RAB7A: variants seen among roughly 807,000 people sequenced by gnomAD.
RAB7A encodes RAB7A, member RAS oncogene family.
A neutral mutation model predicts 24.5 loss-of-function variants in RAB7A; 2 were observed. The observed-to-expected ratio is 0.08, with a 90% confidence interval of 0.03 to 0.26. The LOEUF is 0.26. Among genes scored for constraint, RAB7A ranks in the 10% least tolerant of loss-of-function variants. The probability of loss-of-function intolerance (pLI) is 1.00; values close to 1 mark genes in which losing one functional copy is unlikely to be tolerated. For synonymous variants in RAB7A, 100 were observed against 95.9 expected, an observed-to-expected ratio of 1.04 and a Z score of -0.25; for missense variants, 118 against 255.7, an observed-to-expected ratio of 0.46 and a Z score of 3.67.
chr3:128,761,771 G>A (rs148564563), intron 1 of RAB7A, among the ~76,000 whole-genome samples: 83 of 152,340 alleles, frequency 5.4e-4, no homozygotes, highest in African/African-American at 2.0e-3. Flanking sequence ...GGGACAGAGT[G>A]TGATTGTATA....
chr3:128,790,553 T>C (rs1392661216), intron 1 of RAB7A, among the ~76,000 whole-genome samples: 1 of 152,226 alleles, frequency 6.6e-6, no homozygotes, highest in Non-Finnish European at 1.5e-5. Flanking sequence ...AAATCTTTAC[T>C]CCTTTGGGAA....
At chr3:128,750,008 C>T (rs2070660815) in intron 1 of RAB7A, among the ~76,000 whole-genome samples, 1 of 152,074 alleles carries the variant, frequency 6.6e-6, no homozygotes, top group Non-Finnish European at 1.5e-5. Flanking sequence ...CAGAAGAGGA[C>T]AGGAAAATGT....
chr3:128,735,186 C>T (rs1351442114), intron 1 of RAB7A, among the ~76,000 whole-genome samples: 1 of 152,068 alleles, frequency 6.6e-6, no homozygotes, highest in African/African-American at 2.4e-5. Flanking sequence ...TTGTTCAATG[C>T]CTGGGGTGGT....
chr3:128,739,277 A>G (rs2070524990), intron 1 of RAB7A, among the ~76,000 whole-genome samples: 1 of 152,168 alleles, frequency 6.6e-6, no homozygotes, highest in South Asian at 2.1e-4. Context: ...TGGAAGGCTG[A>G]GGTGGGCGGA....
intron 1 of RAB7A, among the ~76,000 whole-genome samples, chr3:128,742,786 T>C (rs1182087964): frequency 1.3e-5 from 2 of 152,180 alleles, no homozygotes; most frequent in Non-Finnish European, 1.5e-5. Flanking sequence ...AGAGTGCTGA[T>C]TGGTGTATTT....
chr3:128,745,643 G>A (rs1290477024), intron 1 of RAB7A, among the ~76,000 whole-genome samples: 2 of 152,206 alleles, frequency 1.3e-5, no homozygotes, highest in South Asian at 2.1e-4. Flanking sequence ...TGGGATTACC[G>A]GCCTGAGCCA....
In RAB7A at chr3:128,744,494, T is replaced by A. The variant is rs375391948; in HGVS notation, c.-9+18135T>A. On this transcript the variant is annotated intron_variant, in intron 1 of 5. Transcript: ENST00000265062. ...ATATGATGCATTATTATCGACTACATTCCACTGTAATAAAAAGAAAACATC... is the reference window on the plus strand; with the variant it reads ...ATATGATGCATTATTATCGACTACAATCCACTGTAATAAAAAGAAAACATC... Among the ~76,000 whole-genome samples, 16 of 152,336 alleles carry A rather than the reference T, an allele frequency of 1.1e-4. 1 individual carries two copies. Among genetic ancestry groups the A allele is most frequent in the Admixed American group, 3.3e-4 (5 of 15,302 alleles).
At chr3:128,766,377 C>T (rs2070831497) in intron 1 of RAB7A, among the ~76,000 whole-genome samples, 1 of 152,156 alleles carries the variant, frequency 6.6e-6, no homozygotes, top group Non-Finnish European at 1.5e-5. Context: ...CCAAGAAGTC[C>T]TGGGTAACCA....
intron 1 of RAB7A, among the ~76,000 whole-genome samples, chr3:128,730,471 A>AC (rs1195626324): frequency 6.6e-6 from 1 of 151,902 alleles, no homozygotes; most frequent in Non-Finnish European, 1.5e-5. Flanking sequence ...CTCGTGATCC[A>AC]CCCGCCTCGG....
chr3:128,737,053 T>A (rs1212538632), intron 1 of RAB7A, among the ~76,000 whole-genome samples: 6 of 152,188 alleles, frequency 3.9e-5, no homozygotes, highest in Admixed American at 6.6e-5. Flanking sequence ...TTTATTATTT[T>A]TTGAGATGAA....
intron 1 of RAB7A, among the ~76,000 whole-genome samples, chr3:128,737,620 A>G (rs2070502906): frequency 6.7e-6 from 1 of 149,946 alleles, no homozygotes; most frequent in African/African-American, 2.5e-5. Context: ...TGCTGGGATT[A>G]CATGTGTGAG....
chr3:128,750,174 A>G (rs1354019853), intron 1 of RAB7A, among the ~76,000 whole-genome samples: 1 of 152,362 alleles, frequency 6.6e-6, no homozygotes, highest in East Asian at 1.9e-4. Context: ...TGTTTTAGCA[A>G]AAAGACTGGT....
intron 1 of RAB7A, among the ~76,000 whole-genome samples, chr3:128,767,972 C>T (rs1242401881): frequency 2.6e-5 from 4 of 152,022 alleles, no homozygotes; most frequent in Non-Finnish European, 5.9e-5. Flanking sequence ...GAATACATAC[C>T]ATTCAAAGAT....
intron 1 of RAB7A, among the ~76,000 whole-genome samples, chr3:128,753,660 G>A (rs2070707015): frequency 1.3e-5 from 2 of 152,302 alleles, no homozygotes; most frequent in East Asian, 1.9e-4. Context: ...GTTGCCCTCT[G>A]CTTTCAAGAT....
At chr3:128,735,728 C>T (rs1372020620) in intron 1 of RAB7A, among the ~76,000 whole-genome samples, 1 of 152,126 alleles carries the variant, frequency 6.6e-6, no homozygotes, top group African/African-American at 2.4e-5. Flanking sequence ...CTCCTCTTAG[C>T]AATTTATGGG....
Position 128,813,324 on chromosome 3 carries a change from C to T in RAB7A, c.529-3C>T. On this transcript the variant is annotated splice_polypyrimidine_tract_variant and splice_region_variant and intron_variant, in intron 5 of 5. Coordinates refer to ENST00000265062, the MANE Select transcript of RAB7A (RefSeq NM_004637.6). ...ACCAACCTTTCTCTGTTTCCTTGTCCAGGAAACGGAGGTGGAGCTGTACAA... is the reference window on the plus strand; with the variant it reads ...ACCAACCTTTCTCTGTTTCCTTGTCTAGGAAACGGAGGTGGAGCTGTACAA... The T allele has an allele frequency of 6.2e-7, 1 of 1,612,528 alleles. No individual in the cohort carries two copies.
intron 1 of RAB7A, among the ~76,000 whole-genome samples, chr3:128,736,749 A>G (rs1387835258): frequency 6.6e-6 from 1 of 152,162 alleles, no homozygotes; most frequent in Admixed American, 6.5e-5. Context: ...ACATTATTTC[A>G]TGTCACTTCT....
intron 1 of RAB7A, among the ~76,000 whole-genome samples, chr3:128,755,460 C>A (rs2070721513): frequency 6.6e-6 from 1 of 151,094 alleles, no homozygotes; most frequent in South Asian, 2.1e-4. Context: ...AAGTAGAAAA[C>A]AACAAACTCA....
intron 1 of RAB7A, among the ~76,000 whole-genome samples, chr3:128,763,864 GCCCC>G (rs60251504): frequency 0.36 from 29,567 of 82,978 alleles, 2,768 homozygotes; most frequent in African/African-American, 0.5. Context: ...TTAGATTCCC[GCCCC>G]CCCCCCCGCC....
Sources: gnomAD v4.1 joint callset for allele counts (sites outside exome capture counted in the v4.1 genomes callset) on GRCh38, gnomAD v4.1.1 for gene constraint, MANE v1.5 for transcripts, NCBI Gene and HGNC (gene_info 2026-07-23, HGNC 2026-07-21) for gene names.